KCNG1: variants seen among roughly 807,000 people sequenced by gnomAD.
KCNG1 encodes potassium voltage-gated channel modifier subfamily G member 1, also known as voltage-gated potassium channel regulatory subunit KCNG1.
Under a neutral mutation model 32.4 loss-of-function variants are expected in KCNG1, and 17 were observed. The ratio of observed to expected loss-of-function variants is 0.52; its 90% CI spans 0.36 to 0.79. The LOEUF (loss-of-function observed/expected upper bound fraction) is 0.79. KCNG1 is among the 30% of genes least tolerant of loss of function. The pLI, the probability that KCNG1 is intolerant of heterozygous loss-of-function variation, is 0.00. For synonymous variants in KCNG1, 358 were observed against 339.9 expected, an observed-to-expected ratio of 1.05 and a Z score of -0.59; for missense variants, 441 against 735.2, an observed-to-expected ratio of 0.60 and a Z score of 4.63.
Position 51,023,032 on chromosome 20 carries a change from G to A in KCNG1, c.-189C>T, listed in dbSNP as rs1177908369. 1.3e-5 allele frequency: 2 copies of A among 152,246 alleles called. No individual in the cohort carries two copies. The highest frequency in any genetic ancestry group is 1.5e-5 in the Non-Finnish European group (1 of 68,086). 9.4% of individuals were successfully genotyped at this position (152,246 alleles called of 1,614,324 possible). On this transcript the variant is annotated 5_prime_UTR_variant, in exon 1 of 3. Coordinates refer to ENST00000371571, the MANE Select transcript of KCNG1 (RefSeq NM_002237.4). ...AGCCGCCGCCAAACTTCGGTCCCGG[G>A]GCCCGGCTCAGCTCCCGCCCTCGGA...
At chr20:51,021,507 G>C (rs1988483386) in intron 1 of KCNG1, among the ~76,000 whole-genome samples, 1 of 152,136 alleles carries the variant, frequency 6.6e-6, no homozygotes, top group African/African-American at 2.4e-5. Context: ...TGCCATCATG[G>C]GTATGGGGGT....
intron 2 of KCNG1, among the ~76,000 whole-genome samples, chr20:51,008,191 C>T (rs531124297): frequency 4.6e-5 from 7 of 152,266 alleles, no homozygotes; most frequent in African/African-American, 1.7e-4. Flanking sequence ...CTCAAAGGCC[C>T]ATGATCTCAT....
At chr20:51,008,857 A>G (rs990280096) in intron 2 of KCNG1, among the ~76,000 whole-genome samples, 7 of 152,076 alleles carry the variant, frequency 4.6e-5, no homozygotes, top group African/African-American at 1.7e-4. Context: ...AGTGTCCTCA[A>G]ATACCTAGTG....
Position 51,004,711 on chromosome 20 carries a change from C to A in KCNG1, c.870G>T (p.Ala290=), listed in dbSNP as rs1473334516. The A allele has an allele frequency of 4.4e-6, 7 of 1,596,316 alleles. No individual in the cohort carries two copies. The highest frequency in any genetic ancestry group is 6.0e-6 in the Non-Finnish European group (7 of 1,171,576). ...TCCGCAGGAAGGCGAACTTGCTGGG[C>A]GCCTGAATGAGCCGCAGGAGGAACT... ...SLEFLLRLIQ[A]PSKFAFLRSP... Residue 290 remains alanine, a synonymous_variant, in exon 3 of 3, where the codon GCG becomes GCT. Coordinates refer to ENST00000371571, the MANE Select transcript of KCNG1 (RefSeq NM_002237.4). The surrounding 1 kb of genome is among the most constrained non-coding windows in gnomAD (Gnocchi z 4.3).
rs780602872 is a variant in KCNG1 at position 51,010,084 on chromosome 20, C to A, written c.255G>T (p.Pro85=). 1 of 1,613,972 alleles carries A rather than the reference C, an allele frequency of 6.2e-7. No homozygotes were observed. Among genetic ancestry groups the A allele is most frequent in the Non-Finnish European group, 8.5e-7 (1 of 1,179,986 alleles). ...SLPWTTLDEF[P]LTRLGQLKAC... is the part of the protein sequence containing the mutation. ...CCTTGAGCTGGCCCAGGCGCGTCAG[C>A]GGGAACTCGTCCAGCGTGGTCCAGG... Residue 85 remains proline, a synonymous_variant, in exon 2 of 3, where the codon CCG becomes CCT. Transcript: ENST00000371571.
At position 51,010,356 on chromosome 20, in the gene KCNG1, C is replaced by T. The variant is rs1178753407; in HGVS notation, c.-18G>A. 2.7e-6 allele frequency: 4 copies of T among 1,501,048 alleles called. No homozygotes were observed. The Admixed American group carries it at 9.1e-5, about 34-fold the overall frequency. 93.0% of individuals were successfully genotyped at this position (1,501,048 alleles called of 1,614,324 possible). A position where few individuals can be genotyped will look rare whatever the true frequency, so the allele number is the denominator to read the frequency against. On this transcript the variant is annotated 5_prime_UTR_variant, in exon 2 of 3. Coordinates refer to ENST00000371571, the MANE Select transcript of KCNG1 (RefSeq NM_002237.4). ...AGGGTCATTTTGGGCCTTCACATCC[C>T]TCTCGGGCCTGTGGGGAGAAGGGAG...
chr20:51,004,546 C>T lies in KCNG1; in HGVS notation c.1035G>A (p.Leu345=), dbSNP rs746433334. The change falls in exon 3 of 3, where the codon CTG becomes CTA. Residue 345 remains leucine (L), a synonymous_variant. Transcript: ENST00000371571. This position sits in a 1 kb window ranked among gnomAD's most constrained non-coding sequence, Gnocchi z 4.3. The part of the protein sequence containing the change: ...LDKVGLVLRV[L]RALRILYVMR... Reference sequence around the variant, plus strand: ...TCACGTACAGGATGCGCAGCGCCCGCAGCACGCGCAGCACCAGCCCCACCT... The same window carrying T: ...TCACGTACAGGATGCGCAGCGCCCGTAGCACGCGCAGCACCAGCCCCACCT... 6.3e-6 allele frequency: 10 copies of T among 1,583,518 alleles called. No individual in the cohort carries two copies. The South Asian group carries it at 1.1e-4, about 18-fold the overall frequency.
At chr20:51,022,183 T>G (rs1347413316) in intron 1 of KCNG1, among the ~76,000 whole-genome samples, 1 of 152,226 alleles carries the variant, frequency 6.6e-6, no homozygotes. Context: ...TATGATGAGC[T>G]GCTTACAATA....
intron 1 of KCNG1, among the ~76,000 whole-genome samples, chr20:51,016,347 G>A (rs1018681942): frequency 6.6e-6 from 1 of 152,110 alleles, no homozygotes; most frequent in African/African-American, 2.4e-5. Context: ...TGAGGCAGGA[G>A]AATCACTTGA....
In KCNG1 at chr20:51,017,613, G is replaced by A. The variant is rs769969426; in HGVS notation, c.-27+5257C>T. Among the ~76,000 whole-genome samples the A allele has an allele frequency of 8.5e-5, 13 of 152,328 alleles. No individual in the cohort carries two copies. The East Asian group carries it at 1.2e-3, about 14-fold the overall frequency. ...AACGACAGAACCTTCTGAATTGCTC[G>A]GGGTGCTCGGTGGAGATACAGATTT... On this transcript the variant is annotated intron_variant, in intron 1 of 2. Transcript: ENST00000371571.
rs772722108 is a variant in KCNG1, at chr20:51,009,604, G to A, written c.735C>T (p.Ser245=). 28 of 1,610,076 alleles carry A rather than the reference G, an allele frequency of 1.7e-5. No homozygotes were observed. The highest frequency in any genetic ancestry group is 4.0e-5 in the African/African-American group (3 of 74,894). ...LFVTVTAVNL[S]VSTLPSLREE... ...CCCTCAGGCTGGGCAAGGTGCTGACGGAGAGGTTGACGGCGGTGACGGTCA... is the reference window on the plus strand; with the variant it reads ...CCCTCAGGCTGGGCAAGGTGCTGACAGAGAGGTTGACGGCGGTGACGGTCA... Residue 245 remains serine (S), a synonymous_variant, in exon 2 of 3, where the codon TCC becomes TCT. Transcript: ENST00000371571.
intron 1 of KCNG1, among the ~76,000 whole-genome samples, chr20:51,019,581 G>A (rs1051683254): frequency 2.6e-5 from 4 of 152,136 alleles, no homozygotes; most frequent in Admixed American, 6.5e-5. Flanking sequence ...GTATGTGAAA[G>A]GAGGAAATTA....
chr20:51,019,897 G>T (rs754864195), intron 1 of KCNG1, among the ~76,000 whole-genome samples: 1 of 152,104 alleles, frequency 6.6e-6, no homozygotes, highest in Non-Finnish European at 1.5e-5. Flanking sequence ...AGCCTGGCCC[G>T]GGTCCTGGCA....
rs550841902 is a variant in KCNG1, at chr20:51,015,849, A to C, written c.-26-5485T>G. 1.3e-5 allele frequency among the ~76,000 whole-genome samples: 2 copies of C among 152,312 alleles called. No homozygotes were observed. The highest frequency in any genetic ancestry group is 3.9e-4 in the East Asian group (2 of 5,188). Reference sequence around the variant, plus strand: ...CAGGGTCCTTATTTGTGGAAAAAGAAAGCAGGAGATGGAGCGGCAGAGGGC... The same window carrying C: ...CAGGGTCCTTATTTGTGGAAAAAGACAGCAGGAGATGGAGCGGCAGAGGGC... On this transcript the variant is annotated intron_variant, in intron 1 of 2. Coordinates refer to ENST00000371571, the MANE Select transcript of KCNG1 (RefSeq NM_002237.4). This position sits in a 1 kb window ranked among gnomAD's most constrained non-coding sequence, Gnocchi z 4.4.
intron 1 of KCNG1, among the ~76,000 whole-genome samples, chr20:51,022,188 A>G (rs1365571736): frequency 6.6e-6 from 1 of 152,190 alleles, no homozygotes; most frequent in Non-Finnish European, 1.5e-5. Context: ...TGAGCTGCTT[A>G]CAATAGGTGC....
At position 51,009,964 on chromosome 20, in the gene KCNG1, G is replaced by A. The variant is rs1433406626; in HGVS notation, c.375C>T (p.Gly125=). The change falls in exon 2 of 3, where the codon GGC becomes GGT. Residue 125 remains glycine (G), a synonymous_variant. Transcript: ENST00000371571. ...CCGCGCGCAGGAAGGTCAGGATAGT[G>A]CCGAAGGCCCCCGGGTTGCGGTCGA... is the stretch of plus-strand genomic sequence containing the variant. ...FFFDRNPGAF[G]TILTFLRAGK... The A allele has an allele frequency of 1.2e-6, 2 of 1,613,944 alleles. No individual in the cohort carries two copies. Among genetic ancestry groups the A allele is most frequent in the Non-Finnish European group, 1.7e-6 (2 of 1,179,974 alleles).
At chr20:51,008,949 C>T (rs1987946188) in intron 2 of KCNG1, among the ~76,000 whole-genome samples, 2 of 152,180 alleles carry the variant, frequency 1.3e-5, no homozygotes, top group African/African-American at 2.4e-5. Flanking sequence ...AGCCCAGCTC[C>T]GGCTCCCGTG....
At chr20:51,008,859 T>C (rs1421014429) in intron 2 of KCNG1, among the ~76,000 whole-genome samples, 2 of 152,092 alleles carry the variant, frequency 1.3e-5, no homozygotes, top group East Asian at 3.9e-4. Context: ...TGTCCTCAAA[T>C]ACCTAGTGGG....
chr20:51,022,191 A>G (rs943776564), intron 1 of KCNG1, among the ~76,000 whole-genome samples: 4 of 152,280 alleles, frequency 2.6e-5, no homozygotes, highest in Non-Finnish European at 5.9e-5. Context: ...GCTGCTTACA[A>G]TAGGTGCTCA....
Sources: allele counts gnomAD v4.1 joint callset (sites outside exome capture counted in the v4.1 genomes callset), GRCh38; gene constraint gnomAD v4.1.1; non-coding constraint Gnocchi (gnomAD v3.1); transcripts MANE v1.5; gene names NCBI Gene and HGNC (gene_info 2026-07-23, HGNC 2026-07-21).